Variants in CYTH3 observed in about 807,000 individuals in gnomAD.
CYTH3 encodes cytohesin 3, also known as cytohesin-3.
A neutral mutation model predicts 55.1 loss-of-function variants in CYTH3; 23 were observed. The ratio of observed to expected loss-of-function variants is 0.42; its 90% CI spans 0.30 to 0.59. The LOEUF is 0.59. Ranked by LOEUF, CYTH3 falls within the 20% of genes least tolerant of loss-of-function variation. CYTH3 has a pLI of 0.20. For missense variants in CYTH3, 413 were observed against 524.8 expected (o/e 0.79, Z 2.08); for synonymous variants, 249 against 194.9 (o/e 1.28, Z -2.31).
chr7:6,240,842 G>C (rs868634291), intron 1 of CYTH3, among the ~76,000 whole-genome samples: 1 of 152,202 alleles, frequency 6.6e-6, no homozygotes. Context: ...GAGGCCAGGC[G>C]CAGTAGCTCG....
At chr7:6,165,873 G>T in intron 9 of CYTH3, 63 bp from the exon 10 acceptor site, 2 of 1,547,440 alleles carry the variant, frequency 1.3e-6, no homozygotes, top group Non-Finnish European at 1.8e-6. Context: ...GGTCCAAGAG[G>T]GGGCCCTGGA....
intron 1 of CYTH3, among the ~76,000 whole-genome samples, chr7:6,234,693 G>C (rs775366921): frequency 6.6e-6 from 1 of 152,136 alleles, no homozygotes; most frequent in Non-Finnish European, 1.5e-5. Context: ...CAAACTGGGA[G>C]AGCTGTAGCT....
chr7:6,268,246 C>A (rs567334036), intron 1 of CYTH3, among the ~76,000 whole-genome samples: 27 of 152,318 alleles, frequency 1.8e-4, no homozygotes, highest in African/African-American at 6.3e-4. Context: ...TCACTCACCG[C>A]AACCTGCACC....
intron 1 of CYTH3, among the ~76,000 whole-genome samples, chr7:6,247,330 G>C (rs1779845722): frequency 6.6e-6 from 1 of 152,156 alleles, no homozygotes; most frequent in Non-Finnish European, 1.5e-5. Flanking sequence ...GTTCTGACTG[G>C]CTGTTTGCAG....
At chr7:6,248,774 A>C (rs996789618) in intron 1 of CYTH3, among the ~76,000 whole-genome samples, 4 of 152,260 alleles carry the variant, frequency 2.6e-5, no homozygotes, top group African/African-American at 7.2e-5. Context: ...CTAAGGAAAC[A>C]GAGTGATGAG....
chr7:6,193,953 A>T (rs1425983223), intron 1 of CYTH3, among the ~76,000 whole-genome samples: 3 of 152,154 alleles, frequency 2.0e-5, no homozygotes, highest in Non-Finnish European at 4.4e-5. Context: ...GGCTGGGACA[A>T]GCGTCTTCTC....
intron 1 of CYTH3, among the ~76,000 whole-genome samples, chr7:6,255,852 C>T (rs1013515812): frequency 1.3e-4 from 19 of 150,758 alleles, no homozygotes; most frequent in African/African-American, 4.4e-4. Context: ...CAAGCTCCGC[C>T]TTCCAGGTTA....
chr7:6,256,560 T>C (rs1188345909), intron 1 of CYTH3, among the ~76,000 whole-genome samples: 2 of 152,250 alleles, frequency 1.3e-5, no homozygotes, highest in Middle Eastern at 3.4e-3. Flanking sequence ...CAGGAAGACA[T>C]GCAAAGAGAG....
rs777951249 is a variant in CYTH3 at position 6,248,692 on chromosome 7, G to A, written c.34+23782C>T. On this transcript the variant is annotated intron_variant, in intron 1 of 12. Coordinates refer to ENST00000350796, the MANE Select transcript of CYTH3 (RefSeq NM_004227.4). ...CACTCAGGGTCATCAGGCCTCCCTC[G>A]CTCTCTGCTCTCCCAAATTAGCACA... is the stretch of plus-strand genomic sequence containing the variant. Among the ~76,000 whole-genome samples, 17 of 152,262 alleles carry A rather than the reference G, an allele frequency of 1.1e-4. No homozygotes were observed. The East Asian group carries it at 2.1e-3, about 19-fold the overall frequency.
intron 5 of CYTH3, among the ~76,000 whole-genome samples, chr7:6,174,442 A>T (rs1200137591): frequency 2.0e-5 from 3 of 151,836 alleles, no homozygotes. Flanking sequence ...ATCAGCAATG[A>T]ATAAGGGTTT....
chr7:6,271,579 A>C (rs1780658850), intron 1 of CYTH3, among the ~76,000 whole-genome samples: 1 of 152,064 alleles, frequency 6.6e-6, no homozygotes, highest in South Asian at 2.1e-4. Context: ...CACCCACTCC[A>C]TACAGAGGCA....
intron 1 of CYTH3, among the ~76,000 whole-genome samples, chr7:6,221,596 A>G (rs1162938644): frequency 6.6e-6 from 1 of 152,216 alleles, no homozygotes; most frequent in African/African-American, 2.4e-5. Context: ...TATTGCAGTT[A>G]CATAAGATGT....
At chr7:6,241,294 A>T (rs1237878844) in intron 1 of CYTH3, among the ~76,000 whole-genome samples, 1 of 152,230 alleles carries the variant, frequency 6.6e-6, no homozygotes, top group African/African-American at 2.4e-5. Flanking sequence ...ACCTTCGAGA[A>T]TTTGAAAAAG....
chr7:6,209,820 C>G (rs1245715277), intron 1 of CYTH3, among the ~76,000 whole-genome samples: 1 of 152,152 alleles, frequency 6.6e-6, no homozygotes, highest in Non-Finnish European at 1.5e-5. Context: ...CATAAAGGAA[C>G]TTTAACTGTA....
chr7:6,234,345 G>A (rs1779463571), intron 1 of CYTH3, among the ~76,000 whole-genome samples: 1 of 152,168 alleles, frequency 6.6e-6, no homozygotes, highest in Non-Finnish European at 1.5e-5. Context: ...TCTGACCAAG[G>A]ACTGCCTTCC....
chr7:6,202,320 G>A (rs900953388), intron 1 of CYTH3, among the ~76,000 whole-genome samples: 1 of 152,218 alleles, frequency 6.6e-6, no homozygotes, highest in African/African-American at 2.4e-5. Flanking sequence ...ACGCGTAAGT[G>A]AAGTCATCTG....
chr7:6,248,237 C>G (rs181685263), intron 1 of CYTH3, among the ~76,000 whole-genome samples: 3 of 149,798 alleles, frequency 2.0e-5, no homozygotes, highest in African/African-American at 4.9e-5. Flanking sequence ...TCCCCCAACC[C>G]CCCCCCAGCC....
intron 5 of CYTH3, among the ~76,000 whole-genome samples, chr7:6,176,170 T>A (rs901623607): frequency 3.3e-5 from 5 of 152,142 alleles, no homozygotes; most frequent in Non-Finnish European, 7.3e-5. Context: ...AAGTATCTTA[T>A]TCCTTTTAAT....
At chr7:6,182,085 T>C (rs982796889) in intron 4 of CYTH3, among the ~76,000 whole-genome samples, 2 of 152,208 alleles carry the variant, frequency 1.3e-5, no homozygotes, top group Admixed American at 6.5e-5. Flanking sequence ...TTTGCTCTTA[T>C]CGCCCAGGCT....
Sources: gnomAD v4.1 joint callset for allele counts (sites outside exome capture counted in the v4.1 genomes callset) on GRCh38, gnomAD v4.1.1 for gene constraint, MANE v1.5 for transcripts, NCBI Gene and HGNC (gene_info 2026-07-23, HGNC 2026-07-21) for gene names.